Variants in FBLN1 observed in about 807,000 individuals in gnomAD.
FBLN1 encodes the protein fibulin-1.
FBLN1 carries 34 observed loss-of-function variants against 89.7 expected under a neutral mutation model. The observed-to-expected ratio is 0.38, with a 90% CI of 0.29 to 0.50. The LOEUF (loss-of-function observed/expected upper bound fraction) is 0.50. Ranked by LOEUF, FBLN1 falls within the 20% of genes least tolerant of loss-of-function variation. The probability of loss-of-function intolerance (pLI) is 0.92; values close to 1 mark genes in which losing one functional copy is unlikely to be tolerated. For synonymous variants in FBLN1, 393 were observed against 391.3 expected (o/e 1.00, Z -0.05); for missense variants, 777 against 988.1 (o/e 0.79, Z 2.86).
At chr22:45,523,247 C>G in intron 2 of FBLN1, 1 of 736,848 alleles carries the variant, frequency 1.4e-6, no homozygotes, top group Non-Finnish European at 2.5e-6. Context: ...GTGGAGCCAG[C>G]AACGGCCAGT....
rs1055516781 is a variant in FBLN1, at chr22:45,531,451, T to C, written c.544+127T>C. On this transcript the variant is annotated intron_variant, in intron 5 of 16. Coordinates refer to ENST00000327858, the MANE Select transcript of FBLN1 (RefSeq NM_006486.3). This position sits in a 1 kb window ranked among gnomAD's most constrained non-coding sequence, Gnocchi z 4.9. ...AGGAGGATTCCTTGAGCCCAGGAGGTTGTGGCTGCAGTGAGCTATGACTGC... is the reference window on the plus strand; with the variant it reads ...AGGAGGATTCCTTGAGCCCAGGAGGCTGTGGCTGCAGTGAGCTATGACTGC... The C allele has an allele frequency of 1.5e-5, 12 of 810,510 alleles. No homozygotes were observed. Among genetic ancestry groups the C allele is most frequent in the African/African-American group, 5.1e-5 (3 of 59,332 alleles). The allele number at this position is 810,510 out of a possible 1,614,324, so 50.2% of individuals were successfully genotyped here.
intron 12 of FBLN1, 116 bp downstream of exon 12, chr22:45,547,320 C>G (rs2088643081): frequency 1.4e-6 from 2 of 1,433,144 alleles, no homozygotes; most frequent in Admixed American, 3.6e-5. Context: ...ATTTCTTCAC[C>G]TGACAAACCT....
rs1027018262 is a variant in FBLN1 at position 45,518,188 on chromosome 22, G to T, written c.80-494G>T. Among the ~76,000 whole-genome samples the T allele has an allele frequency of 2.7e-5, 4 of 150,912 alleles. 1 individual carries two copies. The South Asian group carries it at 6.3e-4, about 24-fold the overall frequency. On this transcript the variant is annotated intron_variant, in intron 1 of 16. Transcript: ENST00000327858. ...TTTTCCTTCTTACTTGACTCAGCTCGTTGCATTTTGAACCCCCTCCCTGTT... is the reference window on the plus strand; with the variant it reads ...TTTTCCTTCTTACTTGACTCAGCTCTTTGCATTTTGAACCCCCTCCCTGTT...
chr22:45,503,388 T>TG (rs2087974718), intron 1 of FBLN1: 1 of 184,208 alleles, frequency 5.4e-6, no homozygotes, highest in Non-Finnish European at 1.1e-5. Context: ...CTAGCTGGGC[T>TG]GGGGGACGCT....
rs927490029 is a variant in FBLN1, at chr22:45,576,818, C to A, written c.1841-159C>A. Among the ~76,000 whole-genome samples the A allele has an allele frequency of 6.6e-6, 1 of 152,196 alleles. No individual in the cohort carries two copies. The highest frequency in any genetic ancestry group is 6.5e-5 in the Admixed American group (1 of 15,292). On this transcript the variant is annotated intron_variant, in intron 15 of 16. Transcript: ENST00000327858. The surrounding 1 kb of genome is among the most constrained non-coding windows in gnomAD (Gnocchi z 5.2). ...ATATAGGAAGGTCCAGACCCCTCCACCCTCCCCACACAGGGGATCTCTGGC... is the reference window on the plus strand; with the variant it reads ...ATATAGGAAGGTCCAGACCCCTCCAACCTCCCCACACAGGGGATCTCTGGC...
Position 45,549,077 on chromosome 22 carries a change from G to A in FBLN1, c.1573+333G>A, listed in dbSNP as rs927247904. ...AGGCCTTTAGGAAGATGCCCGCCAG[G>A]GAGGAAGCAGTCCAGGCCAGGGGAT... On this transcript the variant is annotated intron_variant, in intron 13 of 16. Coordinates refer to ENST00000327858, the MANE Select transcript of FBLN1 (RefSeq NM_006486.3). The surrounding 1 kb of genome is among the most constrained non-coding windows in gnomAD (Gnocchi z 5.7). Among the ~76,000 whole-genome samples, 1 of 152,188 alleles carries A rather than the reference G, an allele frequency of 6.6e-6. No homozygotes were observed. Among genetic ancestry groups the A allele is most frequent in the Non-Finnish European group, 1.5e-5 (1 of 68,018 alleles).
intron 1 of FBLN1, among the ~76,000 whole-genome samples, chr22:45,511,406 G>A (rs1171991781): frequency 6.7e-6 from 1 of 149,834 alleles, no homozygotes; most frequent in Non-Finnish European, 1.5e-5. Flanking sequence ...CACCTGCCTC[G>A]GCCTCTCAAA....
In FBLN1 at chr22:45,581,771, T is replaced by C. The variant is rs2089043925; in HGVS notation, c.1972+4663T>C. On this transcript the variant is annotated intron_variant, in intron 16 of 16. Transcript: ENST00000327858. The surrounding 1 kb of genome is among the most constrained non-coding windows in gnomAD (Gnocchi z 7.6). The stretch of plus-strand genomic sequence containing the variant: ...GAGGCTGAGGGGTGAGCCAGACAAG[T>C]GGGACACCCAAACTCACAGCCACGT... Among the ~76,000 whole-genome samples, 2 of 151,782 alleles carry C rather than the reference T, an allele frequency of 1.3e-5. No individual in the cohort carries two copies. The highest frequency in any genetic ancestry group is 6.5e-5 in the Admixed American group (1 of 15,268).
rs2088468743 is a variant in FBLN1, at chr22:45,535,267, A to T, written c.852A>T (p.Gly284=). The T allele has an allele frequency of 6.2e-7, 1 of 1,614,066 alleles. No individual in the cohort carries two copies. The highest frequency in any genetic ancestry group is 8.5e-7 in the Non-Finnish European group (1 of 1,180,044). The change falls in exon 8 of 17, where the codon GGA becomes GGT. Residue 284 remains glycine, a synonymous_variant. Transcript: ENST00000327858. The part of the protein sequence containing the change: ...LPDFICQNTL[G]SFRCRPKLQC... ...ATTTTATCTGTCAGAATACTCTGGGATCCTTCCGCTGCCGACCCAAGCTAC... is the reference window on the plus strand; with the variant it reads ...ATTTTATCTGTCAGAATACTCTGGGTTCCTTCCGCTGCCGACCCAAGCTAC...
rs2088612007 is a variant in FBLN1 at position 45,545,268 on chromosome 22, GT to G, written c.1321+1743del. Among the ~76,000 whole-genome samples, 1 of 152,186 alleles carries G rather than the reference GT, an allele frequency of 6.6e-6. No homozygotes were observed. The highest frequency in any genetic ancestry group is 1.5e-5 in the Non-Finnish European group (1 of 68,032). The stretch of plus-strand genomic sequence containing the variant: ...CTGCCATTTCCATGGCCTTGAAGAA[GT>G]AACTCAGTCTTTCCTGGGCCATGGT... On this transcript the variant is annotated intron_variant, in intron 11 of 16. Coordinates refer to ENST00000327858, the MANE Select transcript of FBLN1 (RefSeq NM_006486.3). This position sits in a 1 kb window ranked among gnomAD's most constrained non-coding sequence, Gnocchi z 5.9.
rs149769607 is a variant in FBLN1, at chr22:45,531,317, C to T, written c.537C>T (p.Arg179=). The part of the protein sequence containing the change: ...EEQEDPYLND[R]CRGGGPCKQQ... ...AAGAGGACCCATATCTGAATGACCGCTGCCGAGGTGAGACTCGGGCGTCTC... is the reference window on the plus strand; with the variant it reads ...AAGAGGACCCATATCTGAATGACCGTTGCCGAGGTGAGACTCGGGCGTCTC... Residue 179 remains arginine, a synonymous_variant, in exon 5 of 17, where the codon CGC becomes CGT. Coordinates refer to ENST00000327858, the MANE Select transcript of FBLN1 (RefSeq NM_006486.3). This position sits in a 1 kb window ranked among gnomAD's most constrained non-coding sequence, Gnocchi z 4.9. 68 of 1,613,752 alleles carry T rather than the reference C, an allele frequency of 4.2e-5. No homozygotes were observed. The highest frequency in any genetic ancestry group is 2.5e-4 in the Admixed American group (15 of 59,992).
intron 16 of FBLN1, 113 bp from the exon 17 acceptor site, chr22:45,600,194 T>C: frequency 2.3e-6 from 3 of 1,291,794 alleles, no homozygotes; most frequent in Admixed American, 1.7e-5. Context: ...TGGGACTCCA[T>C]GAGGTCTATG....
rs1377334041 is a variant in FBLN1 at position 45,572,121 on chromosome 22, T to A, written c.1698-2390T>A. Among the ~76,000 whole-genome samples the A allele has an allele frequency of 6.6e-6, 1 of 151,876 alleles. No individual in the cohort carries two copies. Among genetic ancestry groups the A allele is most frequent in the South Asian group, 2.1e-4 (1 of 4,806 alleles). ...TCCAGCCTGGGTGACAGAGCGAGACTCATCTCAAAAAATATATAAAAATAA... is the reference window on the plus strand; with the variant it reads ...TCCAGCCTGGGTGACAGAGCGAGACACATCTCAAAAAATATATAAAAATAA... On this transcript the variant is annotated intron_variant, in intron 14 of 16. Transcript: ENST00000327858. The surrounding 1 kb of genome is among the most constrained non-coding windows in gnomAD (Gnocchi z 5.8).
chr22:45,552,969 G>A (rs542910262), intron 14 of FBLN1, among the ~76,000 whole-genome samples: 100 of 152,356 alleles, frequency 6.6e-4, no homozygotes, highest in African/African-American at 1.9e-3. Flanking sequence ...GAGCAAAGCC[G>A]GGTGGCCTTG....
rs755106073 is a variant in FBLN1, at chr22:45,543,397, T to C, written c.1196-4T>C. The stretch of plus-strand genomic sequence containing the variant: ...CCCTGAGTCAGCCCACCCCTCACTT[T>C]CAGATGTCAACGAGTGCCAGCGCTA... On this transcript the variant is annotated splice_region_variant and splice_polypyrimidine_tract_variant and intron_variant, in intron 10 of 16. Transcript: ENST00000327858. 6.2e-7 allele frequency: 1 copy of C among 1,612,140 alleles called. No individual in the cohort carries two copies. Among genetic ancestry groups the C allele is most frequent in the South Asian group, 1.1e-5 (1 of 91,056 alleles).
intron 2 of FBLN1, among the ~76,000 whole-genome samples, chr22:45,522,089 G>A (rs1038067039): frequency 4.6e-5 from 7 of 151,960 alleles, no homozygotes; most frequent in Non-Finnish European, 8.8e-5. Context: ...GGGTTCAAGC[G>A]ATTCTCCTGC....
chr22:45,548,074 G>C (rs1457650006), intron 12 of FBLN1, among the ~76,000 whole-genome samples: 1 of 152,188 alleles, frequency 6.6e-6, no homozygotes, highest in Admixed American at 6.5e-5. Context: ...TTTTGAGACA[G>C]AGACAGCTCT....
chr22:45,507,857 C>T (rs948515991), intron 1 of FBLN1, among the ~76,000 whole-genome samples: 17 of 152,140 alleles, frequency 1.1e-4, no homozygotes, highest in African/African-American at 3.6e-4. Context: ...CTGTTACCCA[C>T]TGGAGTGAAA....
Position 45,563,503 on chromosome 22 carries a change from G to T in FBLN1, c.1698-11008G>T. On this transcript the variant is annotated intron_variant, in intron 14 of 16. Coordinates refer to ENST00000327858, the MANE Select transcript of FBLN1 (RefSeq NM_006486.3). The surrounding 1 kb of genome is among the most constrained non-coding windows in gnomAD (Gnocchi z 5.7). ...TCCCCACTAGAGGGTGTGTGCTCGGGGGTCCCTGTTCACAGAGCCCACTGT... is the reference window on the plus strand; with the variant it reads ...TCCCCACTAGAGGGTGTGTGCTCGGTGGTCCCTGTTCACAGAGCCCACTGT... 1.2e-6 allele frequency: 1 copy of T among 816,974 alleles called. No individual in the cohort carries two copies. Among genetic ancestry groups the T allele is most frequent in the Non-Finnish European group, 1.9e-6 (1 of 538,806 alleles). 50.6% of individuals were successfully genotyped at this position (816,974 alleles called of 1,614,324 possible).
Sources: allele counts gnomAD v4.1 joint callset (sites outside exome capture counted in the v4.1 genomes callset), GRCh38; gene constraint gnomAD v4.1.1; non-coding constraint Gnocchi (gnomAD v3.1); transcripts MANE v1.5; gene names NCBI Gene and HGNC (gene_info 2026-07-23, HGNC 2026-07-21).